Variants in MSRA observed in about 807,000 individuals in gnomAD.
The protein encoded by MSRA is methionine sulfoxide reductase A, also known as mitochondrial peptide methionine sulfoxide reductase.
A neutral mutation model predicts 31.3 loss-of-function variants in MSRA; 54 were observed. The observed-to-expected ratio is 1.73, with a 90% CI of 1.39 to 2.17. The LOEUF is 2.17. Among genes scored for constraint, MSRA ranks in the 30% most tolerant of loss-of-function variants. MSRA has a pLI of 0.00. For synonymous variants in MSRA, 169 were observed against 116.5 expected, an observed-to-expected ratio of 1.45 and a Z score of -2.90; for missense variants, 507 against 300.9, an observed-to-expected ratio of 1.69 and a Z score of -5.07.
At chr8:10,166,326 G>A (rs532588201) in intron 1 of MSRA, among the ~76,000 whole-genome samples, 6 of 152,288 alleles carry the variant, frequency 3.9e-5, no homozygotes, top group Middle Eastern at 3.4e-3. Context: ...ATAATGGTGT[G>A]TATGTGCATG....
intron 5 of MSRA, among the ~76,000 whole-genome samples, chr8:10,382,108 C>T (rs551139714): frequency 1.3e-5 from 2 of 152,352 alleles, no homozygotes; most frequent in Admixed American, 6.5e-5. Flanking sequence ...AGCTCTACTG[C>T]CCCCAGTGAC....
At chr8:10,168,313 C>T (rs1236221087) in intron 1 of MSRA, among the ~76,000 whole-genome samples, 3 of 152,136 alleles carry the variant, frequency 2.0e-5, no homozygotes, top group African/African-American at 7.2e-5. Flanking sequence ...GTCTTCTAAA[C>T]AGTATCTCTC....
At position 10,428,429 on chromosome 8, in the gene MSRA, A is replaced by G; in HGVS notation, c.*117A>G. On this transcript the variant is annotated 3_prime_UTR_variant, in exon 6 of 6. Coordinates refer to ENST00000317173, the MANE Select transcript of MSRA (RefSeq NM_012331.5). ...AAGTGCACAAAGTACAAAGGAATTT[A>G]TACAGATTGGGTTTACCGAAGTATA... is the stretch of plus-strand genomic sequence containing the variant. 4 of 1,138,254 alleles carry G rather than the reference A, an allele frequency of 3.5e-6. No individual in the cohort carries two copies. In the South Asian group the frequency reaches 4.3e-5, roughly 12 times the overall value. The allele number at this position is 1,138,254 out of a possible 1,614,324, so 70.5% of individuals were successfully genotyped here.
intron 5 of MSRA, among the ~76,000 whole-genome samples, chr8:10,389,033 G>A (rs896968599): frequency 4.6e-5 from 7 of 152,108 alleles, no homozygotes; most frequent in Admixed American, 3.9e-4. Context: ...TTATTGGAAC[G>A]CTAAGCTTGT....
intron 1 of MSRA, among the ~76,000 whole-genome samples, chr8:10,205,532 T>C (rs376948675): frequency 6.6e-6 from 1 of 152,118 alleles, no homozygotes; most frequent in Non-Finnish European, 1.5e-5. Context: ...GGGTGCACTT[T>C]GGATTGTGAA....
intron 1 of MSRA, among the ~76,000 whole-genome samples, chr8:10,162,162 TG>T (rs1390739399): frequency 6.6e-6 from 1 of 152,092 alleles, no homozygotes; most frequent in Non-Finnish European, 1.5e-5. Context: ...TGGTCTGCGG[TG>T]GAACAGTGCT....
chr8:10,144,749 T>TC (rs1802996480), intron 1 of MSRA, among the ~76,000 whole-genome samples: 2 of 152,166 alleles, frequency 1.3e-5, no homozygotes, highest in South Asian at 4.1e-4. Context: ...CCTTTTTTTT[T>TC]CTCTTTGCCT....
chr8:10,107,461 A>G (rs957845300), intron 1 of MSRA, among the ~76,000 whole-genome samples: 4 of 152,106 alleles, frequency 2.6e-5, no homozygotes, highest in Non-Finnish European at 5.9e-5. Flanking sequence ...GTGCCTAGCA[A>G]AGAGGTCCAT....
chr8:10,316,180 T>C (rs1801699741), intron 4 of MSRA, among the ~76,000 whole-genome samples: 1 of 152,160 alleles, frequency 6.6e-6, no homozygotes, highest in African/African-American at 2.4e-5. Flanking sequence ...GCTGTCTTCC[T>C]TTTAGAAGAG....
At chr8:10,275,195 C>T (rs1799259588) in intron 3 of MSRA, among the ~76,000 whole-genome samples, 1 of 151,954 alleles carries the variant, frequency 6.6e-6, no homozygotes, top group Admixed American at 6.5e-5. Context: ...TGAATAAAAC[C>T]ACATATGACC....
At chr8:10,108,855 A>G (rs910405231) in intron 1 of MSRA, among the ~76,000 whole-genome samples, 25 of 152,130 alleles carry the variant, frequency 1.6e-4, no homozygotes, top group African/African-American at 6.0e-4. Flanking sequence ...CCTCAACATA[A>G]AAGCAGCCCA....
At chr8:10,229,188 T>G (rs1364505809) in intron 2 of MSRA, among the ~76,000 whole-genome samples, 1 of 152,140 alleles carries the variant, frequency 6.6e-6, no homozygotes, top group East Asian at 1.9e-4. Flanking sequence ...TGGTTGAGAC[T>G]AGGTGTCTTT....
intron 1 of MSRA, among the ~76,000 whole-genome samples, chr8:10,180,656 T>TG (rs1340488227): frequency 2.0e-5 from 3 of 152,308 alleles, no homozygotes; most frequent in Admixed American, 6.5e-5. Context: ...ACCAAGGGTT[T>TG]TAGGAGCGCT....
chr8:10,329,391 C>T (rs544060043), intron 5 of MSRA, among the ~76,000 whole-genome samples: 5 of 152,326 alleles, frequency 3.3e-5, no homozygotes, highest in Non-Finnish European at 5.9e-5. Flanking sequence ...AAGTCTCTGC[C>T]TCTGTGGCCA....
chr8:10,226,645 C>G (rs1350378897), intron 2 of MSRA, among the ~76,000 whole-genome samples: 1 of 152,212 alleles, frequency 6.6e-6, no homozygotes, highest in Non-Finnish European at 1.5e-5. Flanking sequence ...TAGAAAATTA[C>G]TAAAGGATGC....
chr8:10,307,701 C>T (rs1255198810), intron 4 of MSRA, among the ~76,000 whole-genome samples: 2 of 152,198 alleles, frequency 1.3e-5, no homozygotes, highest in Non-Finnish European at 1.5e-5. Context: ...GCTTTTGTGG[C>T]AACTCCAAGC....
intron 1 of MSRA, among the ~76,000 whole-genome samples, chr8:10,159,905 C>T (rs1414926204): frequency 2.0e-5 from 3 of 152,136 alleles, no homozygotes; most frequent in Admixed American, 2.0e-4. Flanking sequence ...TTAATTCTTA[C>T]TGGAATTTTG....
intron 3 of MSRA, among the ~76,000 whole-genome samples, chr8:10,252,765 T>G (rs1487515912): frequency 6.6e-6 from 1 of 152,192 alleles, no homozygotes; most frequent in African/African-American, 2.4e-5. Context: ...CTGCTCCAGT[T>G]TACAGTATAC....
chr8:10,169,506 C>T lies in MSRA; in HGVS notation c.143-38327C>T, dbSNP rs953199098. The stretch of plus-strand genomic sequence containing the variant: ...ATAAACCTAGGTGTAAAACATAAAA[C>T]CATCAAACTTCGTGAAGAAAACATT... On this transcript the variant is annotated intron_variant, in intron 1 of 5. Coordinates refer to ENST00000317173, the MANE Select transcript of MSRA (RefSeq NM_012331.5). 1.1e-4 allele frequency among the ~76,000 whole-genome samples: 16 copies of T among 152,262 alleles called. No homozygotes were observed. The South Asian group carries it at 1.2e-3, about 12-fold the overall frequency.
Sources: allele counts gnomAD v4.1 joint callset (sites outside exome capture counted in the v4.1 genomes callset), GRCh38; gene constraint gnomAD v4.1.1; transcripts MANE v1.5; gene names NCBI Gene and HGNC (gene_info 2026-07-23, HGNC 2026-07-21).